The following TEX36 variants were observed in gnomAD, a reference collection of about 807,000 sequenced individuals.
TEX36 encodes the protein testis expressed 36, also known as testis-expressed protein 36.
In TEX36, 12 loss-of-function variants were observed where a neutral mutation model predicts 13.6. The ratio of observed to expected loss-of-function variants is 0.88; its 90% CI spans 0.56 to 1.43. The LOEUF (loss-of-function observed/expected upper bound fraction) is 1.43. TEX36 is among the 40% of genes most tolerant of loss of function. TEX36 has a pLI of 0.00. For synonymous variants in TEX36, 93 were observed against 83.0 expected (o/e 1.12, Z -0.65); for missense variants, 224 against 228.3 (o/e 0.98, Z 0.12).
intron 3 of TEX36, among the ~76,000 whole-genome samples, chr10:125,603,613 T>C (rs1846177299): frequency 6.6e-6 from 1 of 152,242 alleles, no homozygotes; most frequent in African/African-American, 2.4e-5. Context: ...CAGGCTAAGC[T>C]GTTGCTGAAG....
chr10:125,650,148 T>A (rs1846830951), intron 3 of TEX36, among the ~76,000 whole-genome samples: 1 of 152,218 alleles, frequency 6.6e-6, no homozygotes, highest in Non-Finnish European at 1.5e-5. Flanking sequence ...CAAGCAGACC[T>A]AATAGACATC....
In TEX36 at chr10:125,661,009, A is replaced by G; in HGVS notation, c.264+12T>C. The G allele has an allele frequency of 6.5e-7, 1 of 1,547,802 alleles. No homozygotes were observed. Among genetic ancestry groups the G allele is most frequent in the Non-Finnish European group, 8.7e-7 (1 of 1,143,372 alleles). On this transcript the variant is annotated intron_variant, in intron 3 of 3. Transcript: ENST00000368821. ...TCCCTGTTTTATTAATAATTTGGAA[A>G]GAAATACTCACGGAGTCAAGGTAGC...
At chr10:125,631,720 C>CATG (rs1259327197) in intron 3 of TEX36, among the ~76,000 whole-genome samples, 32 of 152,182 alleles carry the variant, frequency 2.1e-4, no homozygotes, top group Non-Finnish European at 1.3e-4. Context: ...CAGAGAACAG[C>CATG]ATGGCCAAGG....
chr10:125,607,377 G>A (rs1401265511), intron 3 of TEX36, among the ~76,000 whole-genome samples: 3 of 152,216 alleles, frequency 2.0e-5, no homozygotes, highest in Non-Finnish European at 4.4e-5. Flanking sequence ...TAAAGTCAGG[G>A]ATTATGAAAG....
intron 2 of TEX36, 115 bp downstream of exon 2, chr10:125,661,731 G>A: frequency 7.2e-7 from 1 of 1,379,872 alleles, no homozygotes; most frequent in East Asian, 2.5e-5. Context: ...GGGGTCCAAG[G>A]ATAGTAAATG....
chr10:125,635,717 T>C (rs182947172), intron 3 of TEX36, among the ~76,000 whole-genome samples: 329 of 152,190 alleles, frequency 2.2e-3, no homozygotes, highest in African/African-American at 7.4e-3. Context: ...TCTCACAGTT[T>C]CTCCTGTTCT....
intron 3 of TEX36, among the ~76,000 whole-genome samples, chr10:125,623,888 G>A (rs1846455206): frequency 6.6e-6 from 1 of 152,208 alleles, no homozygotes; most frequent in African/African-American, 2.4e-5. Flanking sequence ...TTTTAGCTCT[G>A]GAAAGAGGGC....
intron 3 of TEX36, among the ~76,000 whole-genome samples, chr10:125,586,646 A>C (rs1364882538): frequency 2.0e-5 from 3 of 150,496 alleles, no homozygotes; most frequent in African/African-American, 7.3e-5. Context: ...AAAAAAAAAA[A>C]AAAAAAAAAA....
intron 3 of TEX36, among the ~76,000 whole-genome samples, chr10:125,604,357 G>C (rs1846189005): frequency 6.6e-6 from 1 of 152,178 alleles, no homozygotes; most frequent in Non-Finnish European, 1.5e-5. Context: ...AACTGTGCAT[G>C]CAAGGGACTA....
intron 3 of TEX36, among the ~76,000 whole-genome samples, chr10:125,649,023 C>T (rs537035003): frequency 1.2e-4 from 18 of 152,296 alleles, no homozygotes; most frequent in East Asian, 3.9e-4. Context: ...AACAAATCTA[C>T]GTCTGATTGG....
chr10:125,666,277 G>A lies in TEX36; in HGVS notation c.52-4300C>T, dbSNP rs78770183. Among the ~76,000 whole-genome samples, 202 of 152,294 alleles carry A rather than the reference G, an allele frequency of 1.3e-3. 2 individuals are homozygous for A. The highest frequency in any genetic ancestry group is 4.8e-3 in the African/African-American group (199 of 41,562). On this transcript the variant is annotated intron_variant, in intron 1 of 3. Transcript: ENST00000368821. ...AAGTGAGAATCCTTGTCTTGTTTCA[G>A]TTCTTGGAGCAAAGGCGTTCAACTT...
downstream of TEX36, among the ~76,000 whole-genome samples, chr10:125,651,448 C>G (rs536524837): frequency 3.3e-5 from 5 of 152,084 alleles, no homozygotes; most frequent in South Asian, 2.1e-4. Flanking sequence ...ATTCAACAGC[C>G]CTTCATGCTA....
rs561966691 is a variant in TEX36 at position 125,624,182 on chromosome 10, A to G, written c.265-2537T>C. On this transcript the variant is annotated intron_variant, in intron 3 of 3. Coordinates refer to the TEX36 transcript ENST00000526819. ...ATCTTAGTGTTTGTGGAAGCAAAAC[A>G]CATTCTGGCTGTTGAATCTCTTGAT... 2.6e-5 allele frequency among the ~76,000 whole-genome samples: 4 copies of G among 152,314 alleles called. No individual in the cohort carries two copies. In the South Asian group the frequency reaches 8.3e-4, roughly 32 times the overall value.
At chr10:125,614,240 C>A (rs369441989) in intron 3 of TEX36, among the ~76,000 whole-genome samples, 10 of 150,968 alleles carry the variant, frequency 6.6e-5, no homozygotes, top group African/African-American at 9.8e-5. Context: ...TTGCCTGTTC[C>A]CTCTGATGGT....
intron 3 of TEX36, among the ~76,000 whole-genome samples, chr10:125,646,565 T>G (rs9422908): frequency 6.6e-6 from 1 of 151,916 alleles, no homozygotes; most frequent in Non-Finnish European, 1.5e-5. Flanking sequence ...TTAGTAAACA[T>G]GAAAGCATAC....
intron 3 of TEX36, among the ~76,000 whole-genome samples, chr10:125,615,674 A>G (rs1846348025): frequency 6.7e-6 from 1 of 149,922 alleles, no homozygotes; most frequent in Non-Finnish European, 1.5e-5. Flanking sequence ...GTGCTGCTGG[A>G]TTCGTTTTGC....
chr10:125,628,379 TG>T (rs1342401754), intron 3 of TEX36, among the ~76,000 whole-genome samples: 1 of 152,222 alleles, frequency 6.6e-6, no homozygotes, highest in Non-Finnish European at 1.5e-5. Context: ...GCCTCTGGTG[TG>T]GGTTTGTGGC....
chr10:125,646,925 T>C (rs1456032981), intron 3 of TEX36, among the ~76,000 whole-genome samples: 1 of 152,164 alleles, frequency 6.6e-6, no homozygotes, highest in Non-Finnish European at 1.5e-5. Context: ...ATATAAGTGG[T>C]GTCAGAAGAT....
At chr10:125,611,635 T>C (rs961768662) in intron 3 of TEX36, among the ~76,000 whole-genome samples, 3 of 152,190 alleles carry the variant, frequency 2.0e-5, no homozygotes, top group Admixed American at 1.3e-4. Context: ...CCTAGGCTTA[T>C]TGCAAACTTT....
Sources: gnomAD v4.1 joint callset for allele counts (sites outside exome capture counted in the v4.1 genomes callset) on GRCh38, gnomAD v4.1.1 for gene constraint, MANE v1.5 for transcripts, NCBI Gene and HGNC (gene_info 2026-07-23, HGNC 2026-07-21) for gene names.